The following LSM8 variants were observed in gnomAD, a reference collection of about 807,000 sequenced individuals.
LSM8 encodes the protein LSM8 homolog, U6 small nuclear RNA associated, also known as LSM8 U6 small nuclear RNA associated.
In LSM8, 14 loss-of-function variants were observed where a neutral mutation model predicts 15.0. The observed-to-expected ratio is 0.93, with a 90% CI of 0.62 to 1.46. The LOEUF (loss-of-function observed/expected upper bound fraction) is 1.46, where lower values mean the gene tolerates loss of function less well. Ranked by LOEUF, LSM8 falls within the 40% of genes most tolerant of loss-of-function variation. The probability of loss-of-function intolerance (pLI) is 0.00; values close to 1 mark genes in which losing one functional copy is unlikely to be tolerated. For missense variants in LSM8, 90 were observed against 115.4 expected (o/e 0.78, Z 1.01); for synonymous variants, 50 against 42.1 (o/e 1.19, Z -0.73).
intron 3 of LSM8, chr7:118,190,248 C>T (rs1365537745): frequency 6.6e-6 from 1 of 152,090 alleles, no homozygotes; most frequent in Non-Finnish European, 1.5e-5. Flanking sequence ...GGTGGAGTTA[C>T]AAGGTGAGCT....
Position 118,202,342 on chromosome 7 carries a change from A to G in LSM8, c.*10340A>G, listed in dbSNP as rs975045170. Reference sequence around the variant, plus strand: ...GCAGGAGGAGTTCATTTATCTCGAGAGAAAAGAACAGAAAAGTGAAAAGCA... The same window carrying G: ...GCAGGAGGAGTTCATTTATCTCGAGGGAAAAGAACAGAAAAGTGAAAAGCA... On this transcript the variant is annotated 3_prime_UTR_variant, in exon 4 of 4. Coordinates refer to ENST00000249299, the MANE Select transcript of LSM8 (RefSeq NM_016200.5). Among the ~76,000 whole-genome samples, 1 of 151,944 alleles carries G rather than the reference A, an allele frequency of 6.6e-6. No homozygotes were observed. The highest frequency in any genetic ancestry group is 2.4e-5 in the African/African-American group (1 of 41,390).
Position 118,191,839 on chromosome 7 carries a change from T to G in LSM8, c.201-73T>G. On this transcript the variant is annotated intron_variant, in intron 3 of 3. Transcript: ENST00000249299. ...GAAGAATGGTACTCAGTGCTTTGATTTGATTAGTAAGATTTTTGAAACACA... is the reference window on the plus strand; with the variant it reads ...GAAGAATGGTACTCAGTGCTTTGATGTGATTAGTAAGATTTTTGAAACACA... 2.6e-6 allele frequency: 3 copies of G among 1,169,388 alleles called. No individual in the cohort carries two copies. In the South Asian group the frequency reaches 4.0e-5, roughly 16 times the overall value. The allele number at this position is 1,169,388 out of a possible 1,614,324, so 72.4% of individuals were successfully genotyped here.
chr7:118,186,609 T>TG (rs1808893835), intron 2 of LSM8, among the ~76,000 whole-genome samples: 1 of 152,182 alleles, frequency 6.6e-6, no homozygotes, highest in Non-Finnish European at 1.5e-5. Context: ...AGTAAAAACT[T>TG]ATGAAGAATA....
At position 118,188,424 on chromosome 7, in the gene LSM8, T is replaced by C; in HGVS notation, c.200+19T>C. ...ACAACGTGTAAGTAAAATATATCTG[T>C]TAAAATTATAAATGATACTGCCTTA... On this transcript the variant is annotated intron_variant, in intron 3 of 3. Coordinates refer to ENST00000249299, the MANE Select transcript of LSM8 (RefSeq NM_016200.5). 1 of 1,600,288 alleles carries C rather than the reference T, an allele frequency of 6.2e-7. No homozygotes were observed. The highest frequency in any genetic ancestry group is 1.7e-5 in the Admixed American group (1 of 58,686).
In LSM8 at chr7:118,195,103, G is replaced by A. The variant is rs7796775; in HGVS notation, c.*3101G>A. Among the ~76,000 whole-genome samples, 10,439 of 152,162 alleles carry A rather than the reference G, an allele frequency of 0.069. 383 individuals carry two copies. Among genetic ancestry groups the A allele is most frequent in the East Asian group, 0.11 (563 of 5,178 alleles). On this transcript the variant is annotated 3_prime_UTR_variant, in exon 4 of 4. Coordinates refer to ENST00000249299, the MANE Select transcript of LSM8 (RefSeq NM_016200.5). ...AGTTCCCAAACCTGCATTGTGGGCC[G>A]TTTTCATTACAATTACCTAAGGTGC...
In LSM8 at chr7:118,195,521, G is replaced by A. The variant is rs956482731; in HGVS notation, c.*3519G>A. Among the ~76,000 whole-genome samples, 19 of 152,152 alleles carry A rather than the reference G, an allele frequency of 1.2e-4. No individual in the cohort carries two copies. Among genetic ancestry groups the A allele is most frequent in the African/African-American group, 4.3e-4 (18 of 41,430 alleles). ...ACCATATCTCTACAAGAGAATAGAT[G>A]AGGAATTGAGGTTATGTGGGAAGTA... On this transcript the variant is annotated 3_prime_UTR_variant, in exon 4 of 4. Transcript: ENST00000249299.
At chr7:118,188,731 A>G (rs7792296) in intron 3 of LSM8, 11,015 of 161,296 alleles carry the variant, frequency 0.068, 414 homozygotes, top group East Asian at 0.11. Context: ...CATTAGAGAG[A>G]CTTCTTAAAA....
In LSM8 at chr7:118,191,915, A is replaced by T; in HGVS notation, c.204A>T (p.Ala68=). 6.2e-7 allele frequency: 1 copy of T among 1,608,096 alleles called. No homozygotes were observed. The highest frequency in any genetic ancestry group is 8.5e-7 in the Non-Finnish European group (1 of 1,176,240). The change falls in exon 4 of 4, where the codon GCA becomes GCT. Residue 68 remains alanine (A), a synonymous_variant. Transcript: ENST00000249299. ...GTTTTAACTCTGACTTTTTTAGTGC[A>T]GTCATTGGAGAAATCGATGAAGAAA... is the stretch of plus-strand genomic sequence containing the variant. The part of the protein sequence containing the change: ...GLYIVRGDNV[A]VIGEIDEETD...
chr7:118,186,093 A>G (rs1808885753), intron 2 of LSM8, among the ~76,000 whole-genome samples: 1 of 152,214 alleles, frequency 6.6e-6, no homozygotes, highest in Non-Finnish European at 1.5e-5. Flanking sequence ...TAAGGCTTGT[A>G]TACAATCTTA....
rs962272491 is a variant in LSM8 at position 118,190,281 on chromosome 7, A to G, written c.201-1631A>G. 33 of 152,180 alleles carry G rather than the reference A, an allele frequency of 2.2e-4. 1 individual carries two copies. Among genetic ancestry groups the G allele is most frequent in the Non-Finnish European group, 7.3e-5 (5 of 68,030 alleles). The allele number at this position is 152,180 out of a possible 1,614,324, so 9.4% of individuals were successfully genotyped here. A position where few individuals can be genotyped will look rare whatever the true frequency, so the allele number is the denominator to read the frequency against. On this transcript the variant is annotated intron_variant, in intron 3 of 3. Coordinates refer to ENST00000249299, the MANE Select transcript of LSM8 (RefSeq NM_016200.5). ...GCTGTAAGTAATGAGAGAGAGACAGAGCAGATAGGGCCCAGGTCTCTGGAT... is the reference window on the plus strand; with the variant it reads ...GCTGTAAGTAATGAGAGAGAGACAGGGCAGATAGGGCCCAGGTCTCTGGAT...
In LSM8 at chr7:118,201,219, T is replaced by G. The variant is rs1400343970; in HGVS notation, c.*9217T>G. Among the ~76,000 whole-genome samples, 3 of 152,098 alleles carry G rather than the reference T, an allele frequency of 2.0e-5. No individual in the cohort carries two copies. The highest frequency in any genetic ancestry group is 3.8e-4 in the East Asian group (2 of 5,198). On this transcript the variant is annotated 3_prime_UTR_variant, in exon 4 of 4. Coordinates refer to ENST00000249299, the MANE Select transcript of LSM8 (RefSeq NM_016200.5). Reference sequence around the variant, plus strand: ...CGAGTTATTTATATATCACAGAATTTTGAACTAAAGATCATCTAGCTGAAT... The same window carrying G: ...CGAGTTATTTATATATCACAGAATTGTGAACTAAAGATCATCTAGCTGAAT...
At position 118,196,979 on chromosome 7, in the gene LSM8, G is replaced by T. The variant is rs1054843113; in HGVS notation, c.*4977G>T. ...CCTGACCTCGTGATCTGCCCACTTCGGCGTCCCAAAGTGCTGGAATTACAG... is the reference window on the plus strand; with the variant it reads ...CCTGACCTCGTGATCTGCCCACTTCTGCGTCCCAAAGTGCTGGAATTACAG... On this transcript the variant is annotated 3_prime_UTR_variant, in exon 4 of 4. Coordinates refer to ENST00000249299, the MANE Select transcript of LSM8 (RefSeq NM_016200.5). Among the ~76,000 whole-genome samples, 1 of 151,550 alleles carries T rather than the reference G, an allele frequency of 6.6e-6. No homozygotes were observed. Among genetic ancestry groups the T allele is most frequent in the South Asian group, 2.1e-4 (1 of 4,812 alleles).
Position 118,193,597 on chromosome 7 carries a change from T to G in LSM8, c.*1595T>G, listed in dbSNP as rs1465952701. Among the ~76,000 whole-genome samples the G allele has an allele frequency of 1.4e-5, 2 of 146,650 alleles. No homozygotes were observed. Among genetic ancestry groups the G allele is most frequent in the Non-Finnish European group, 3.0e-5 (2 of 66,728 alleles). On this transcript the variant is annotated 3_prime_UTR_variant, in exon 4 of 4. Transcript: ENST00000249299. ...TGGCTATTCATAAGTACTTGACTTG[T>G]AGTATAATGTTTTATAATCAATTTA...
rs191848462 is a variant in LSM8, at chr7:118,197,534, T to C, written c.*5532T>C. 2.0e-5 allele frequency among the ~76,000 whole-genome samples: 3 copies of C among 152,332 alleles called. No individual in the cohort carries two copies. The East Asian group carries it at 5.8e-4, about 29-fold the overall frequency. On this transcript the variant is annotated 3_prime_UTR_variant, in exon 4 of 4. Coordinates refer to ENST00000249299, the MANE Select transcript of LSM8 (RefSeq NM_016200.5). ...AGAAAATGCTGCACTATGGCTTATTTCACATTTTAAAATAAATGCCCTGAA... is the reference window on the plus strand; with the variant it reads ...AGAAAATGCTGCACTATGGCTTATTCCACATTTTAAAATAAATGCCCTGAA...
chr7:118,185,579 T>C (rs1808873650), intron 1 of LSM8, 75 bp from the exon 2 acceptor site: 1 of 1,305,980 alleles, frequency 7.7e-7, no homozygotes, highest in Admixed American at 1.8e-5. Flanking sequence ...TTCTAAAAAT[T>C]CAAATCATTC....
rs1809143263 is a variant in LSM8, at chr7:118,199,862, TG to T, written c.*7862del. ...CTAAAGTTTAATAGCAACACTAGGC[TG>T]GACTGAGTGGTGAATACGTTGATAT... is the stretch of plus-strand genomic sequence containing the variant. On this transcript the variant is annotated 3_prime_UTR_variant, in exon 4 of 4. Transcript: ENST00000249299. Among the ~76,000 whole-genome samples the T allele has an allele frequency of 6.6e-6, 1 of 152,136 alleles. No homozygotes were observed. The highest frequency in any genetic ancestry group is 1.5e-5 in the Non-Finnish European group (1 of 68,002).
chr7:118,196,072 G>T lies in LSM8; in HGVS notation c.*4070G>T, dbSNP rs775360788. On this transcript the variant is annotated 3_prime_UTR_variant, in exon 4 of 4. Transcript: ENST00000249299. ...CATAAATCGATGCTGCCTCCTAGTG[G>T]CCATTGCTTTCTTTTCTACCTGTCC... Among the ~76,000 whole-genome samples the T allele has an allele frequency of 6.6e-5, 10 of 152,146 alleles. No homozygotes were observed. The highest frequency in any genetic ancestry group is 1.5e-4 in the Non-Finnish European group (10 of 68,026).
Position 118,184,254 on chromosome 7 carries a change from C to T in LSM8, c.31C>T (p.Arg11Ter), listed in dbSNP as rs112883951. 7.3e-5 allele frequency: 110 copies of T among 1,508,980 alleles called. No individual in the cohort carries two copies. Among genetic ancestry groups the T allele is most frequent in the Non-Finnish European group, 9.7e-5 (109 of 1,122,210 alleles). 93.5% of individuals were successfully genotyped at this position (1,508,980 alleles called of 1,614,324 possible). A position where few individuals can be genotyped will look rare whatever the true frequency, so the allele number is the denominator to read the frequency against. Reference sequence around the variant, plus strand: ...GTCCGCTTTGGAGAACTACATCAACCGTATCCTCAAGCTGGCCGCCGCGGG... The same window carrying T: ...GTCCGCTTTGGAGAACTACATCAACTGTATCCTCAAGCTGGCCGCCGCGGG... MTSALENYIN[R>*]TVAVITSDGR... Residue 11 changes from arginine (R) to a stop codon, truncating the protein, a stop_gained and splice_region_variant, in exon 1 of 4, where the codon CGA becomes TGA. Transcript: ENST00000249299. LOFTEE classifies it high-confidence loss of function.
In LSM8 at chr7:118,193,926, T is replaced by G. The variant is rs547385956; in HGVS notation, c.*1924T>G. Among the ~76,000 whole-genome samples the G allele has an allele frequency of 6.6e-6, 1 of 152,266 alleles. No homozygotes were observed. The highest frequency in any genetic ancestry group is 6.5e-5 in the Admixed American group (1 of 15,284). On this transcript the variant is annotated 3_prime_UTR_variant, in exon 4 of 4. Coordinates refer to ENST00000249299, the MANE Select transcript of LSM8 (RefSeq NM_016200.5). ...TGCAATCTGAAACACCTTATAAAGC[T>G]GTATTTTCCTGATTGATGTTGGAAA...
Sources: gnomAD v4.1 joint callset for allele counts (sites outside exome capture counted in the v4.1 genomes callset) on GRCh38, gnomAD v4.1.1 for gene constraint, MANE v1.5 for transcripts, NCBI Gene and HGNC (gene_info 2026-07-23, HGNC 2026-07-21) for gene names.